KIRREL3: variants seen among roughly 807,000 people sequenced by gnomAD.
KIRREL3 encodes kin of IRRE-like protein 3.
In KIRREL3, 36 loss-of-function variants were observed where a neutral mutation model predicts 89.7. The ratio of observed to expected loss-of-function variants is 0.40; its 90% CI spans 0.31 to 0.53. The LOEUF (loss-of-function observed/expected upper bound fraction) is 0.53, where lower values mean the gene tolerates loss of function less well. KIRREL3 is among the 20% of genes least tolerant of loss of function. KIRREL3 has a pLI of 0.49. For synonymous variants in KIRREL3, 445 were observed against 441.4 expected, an observed-to-expected ratio of 1.01 and a Z score of -0.10; for missense variants, 864 against 1,056.6, an observed-to-expected ratio of 0.82 and a Z score of 2.53.
chr11:126,994,982 A>T lies in KIRREL3; in HGVS notation c.55+5473T>A. 2.9e-6 allele frequency: 1 copy of T among 345,090 alleles called. No individual in the cohort carries two copies. Among genetic ancestry groups the T allele is most frequent in the Non-Finnish European group, 5.7e-6 (1 of 175,094 alleles). The allele number at this position is 345,090 out of a possible 1,614,324, so 21.4% of individuals were successfully genotyped here. A position where few individuals can be genotyped will look rare whatever the true frequency, so the allele number is the denominator to read the frequency against. On this transcript the variant is annotated intron_variant, in intron 1 of 16. Coordinates refer to ENST00000525144, the MANE Select transcript of KIRREL3 (RefSeq NM_032531.4). This position sits in a 1 kb window ranked among gnomAD's most constrained non-coding sequence, Gnocchi z 5.2. ...CTTTCTCTTGGGAAAAGAAAATGAC[A>T]TGCAATGACGTATGGAACAGTACTG...
In KIRREL3 at chr11:126,433,089, G is replaced by C. The variant is rs146638810; in HGVS notation, c.1589-1563C>G. Among the ~76,000 whole-genome samples the C allele has an allele frequency of 9.6e-3, 1,461 of 152,312 alleles. 30 individuals are homozygous for C. The highest frequency in any genetic ancestry group is 0.032 in the African/African-American group (1,315 of 41,556). ...AGATAGGGTTTCACCATGTTGGCCA[G>C]GCTGGTCTCAAACTCCTGACCTCAG... is the stretch of plus-strand genomic sequence containing the variant. On this transcript the variant is annotated intron_variant, in intron 13 of 16. Coordinates refer to ENST00000525144, the MANE Select transcript of KIRREL3 (RefSeq NM_032531.4).
rs567891393 is a variant in KIRREL3 at position 126,508,437 on chromosome 11, T to C, written c.433+12878A>G. The stretch of plus-strand genomic sequence containing the variant: ...AAATGAATGCTGCGGGTCTCGGGGC[T>C]CCCCAGGTCCATCTGAGGAGGAGGG... On this transcript the variant is annotated intron_variant, in intron 4 of 16. Transcript: ENST00000525144. This position sits in a 1 kb window ranked among gnomAD's most constrained non-coding sequence, Gnocchi z 4.9. Among the ~76,000 whole-genome samples, 207 of 152,054 alleles carry C rather than the reference T, an allele frequency of 1.4e-3. 4 individuals are homozygous for C. The highest frequency in any genetic ancestry group is 1.6e-3 in the Admixed American group (25 of 15,276).
intron 1 of KIRREL3, among the ~76,000 whole-genome samples, chr11:126,691,506 A>G (rs1288828501): frequency 6.6e-6 from 1 of 152,254 alleles, no homozygotes; most frequent in Non-Finnish European, 1.5e-5. Flanking sequence ...TTTTAGCAGC[A>G]GAATTCAAGT....
intron 1 of KIRREL3, among the ~76,000 whole-genome samples, chr11:126,856,040 T>C (rs1446718933): frequency 6.6e-6 from 1 of 152,186 alleles, no homozygotes; most frequent in Non-Finnish European, 1.5e-5. Context: ...CCAAAGTTGG[T>C]TCCTGGGATG....
chr11:126,528,158 G>T lies in KIRREL3; in HGVS notation c.134-1471C>A, dbSNP rs11220532. On this transcript the variant is annotated intron_variant, in intron 2 of 16. Transcript: ENST00000525144. The surrounding 1 kb of genome is among the most constrained non-coding windows in gnomAD (Gnocchi z 4.6). Reference sequence around the variant, plus strand: ...AAGCCCTCCCTTTTTCCTACCTCCTGCTCTACAGACCCAGACCTAACCGAG... The same window carrying T: ...AAGCCCTCCCTTTTTCCTACCTCCTTCTCTACAGACCCAGACCTAACCGAG... Among the ~76,000 whole-genome samples, 32,013 of 152,124 alleles carry T rather than the reference G, an allele frequency of 0.21. 3,611 individuals carry two copies. Among genetic ancestry groups the T allele is most frequent in the African/African-American group, 0.26 (10,660 of 41,482 alleles).
Position 126,530,043 on chromosome 11 carries a change from C to T in KIRREL3, c.134-3356G>A, listed in dbSNP as rs1958895358. 6.6e-6 allele frequency among the ~76,000 whole-genome samples: 1 copy of T among 151,680 alleles called. No individual in the cohort carries two copies. The highest frequency in any genetic ancestry group is 2.4e-5 in the African/African-American group (1 of 41,224). ...AGCCCCTCAGAGCACAGCTTTTGAG[C>T]CATGGATGTAAGTTATTGCCAGAAG... On this transcript the variant is annotated intron_variant, in intron 2 of 16. Transcript: ENST00000525144. The surrounding 1 kb of genome is among the most constrained non-coding windows in gnomAD (Gnocchi z 5.8).
chr11:126,759,809 GA>G (rs1175545175), intron 1 of KIRREL3, among the ~76,000 whole-genome samples: 13 of 152,176 alleles, frequency 8.5e-5, no homozygotes, highest in African/African-American at 3.1e-4. Context: ...CTCTCAAAGT[GA>G]AGAATCACAG....
At chr11:126,630,106 T>A (rs982095521) in intron 1 of KIRREL3, among the ~76,000 whole-genome samples, 1 of 152,192 alleles carries the variant, frequency 6.6e-6, no homozygotes, top group Non-Finnish European at 1.5e-5. Context: ...TGCAATGTAG[T>A]CTGGTGGGTG....
Position 126,563,338 on chromosome 11 carries a change from A to G in KIRREL3, c.56-426T>C, listed in dbSNP as rs2134589803. On this transcript the variant is annotated intron_variant, in intron 1 of 16. Coordinates refer to ENST00000525144, the MANE Select transcript of KIRREL3 (RefSeq NM_032531.4). The surrounding 1 kb of genome is among the most constrained non-coding windows in gnomAD (Gnocchi z 6.8). The stretch of plus-strand genomic sequence containing the variant: ...GGGACTGTGGCCAGACCTGCCAGGG[A>G]TGATGCAGAATCTATCCAGTCGTGT... Among the ~76,000 whole-genome samples, 1 of 152,288 alleles carries G rather than the reference A, an allele frequency of 6.6e-6. No homozygotes were observed. Among genetic ancestry groups the G allele is most frequent in the East Asian group, 1.9e-4 (1 of 5,176 alleles).
At chr11:126,853,552 C>T (rs2134576267) in intron 1 of KIRREL3, among the ~76,000 whole-genome samples, 1 of 152,206 alleles carries the variant, frequency 6.6e-6, no homozygotes, top group Middle Eastern at 3.4e-3. Flanking sequence ...TTACTTATTA[C>T]TGAAACAATA....
intron 4 of KIRREL3, among the ~76,000 whole-genome samples, chr11:126,482,799 C>A (rs1957258309): frequency 6.6e-6 from 1 of 152,238 alleles, no homozygotes; most frequent in South Asian, 2.1e-4. Flanking sequence ...TGGGCCCCCC[C>A]ACATTCTGTG....
intron 1 of KIRREL3, among the ~76,000 whole-genome samples, chr11:126,869,788 T>G (rs1173081723): frequency 1.3e-5 from 2 of 152,190 alleles, no homozygotes; most frequent in Admixed American, 1.3e-4. Context: ...TCGCACAGAA[T>G]AAGTGTTCGC....
intron 4 of KIRREL3, among the ~76,000 whole-genome samples, chr11:126,493,292 CG>C (rs1957569932): frequency 6.6e-6 from 1 of 152,142 alleles, no homozygotes; most frequent in Admixed American, 6.5e-5. Context: ...GAGGCCGAGA[CG>C]GGTGGATCAC....
rs746424109 is a variant in KIRREL3, at chr11:126,652,292, T to A, written c.56-89380A>T. On this transcript the variant is annotated intron_variant, in intron 1 of 16. Transcript: ENST00000525144. This position sits in a 1 kb window ranked among gnomAD's most constrained non-coding sequence, Gnocchi z 4.9. ...ACTGGCCAAAAAGCCCGGGTTGGGG[T>A]CTCTGTGGGTTGATGGATATAAACC... is the stretch of plus-strand genomic sequence containing the variant. Among the ~76,000 whole-genome samples, 1 of 151,976 alleles carries A rather than the reference T, an allele frequency of 6.6e-6. No individual in the cohort carries two copies. Among genetic ancestry groups the A allele is most frequent in the African/African-American group, 2.4e-5 (1 of 41,366 alleles).
chr11:126,863,017 C>T lies in KIRREL3; in HGVS notation c.55+137438G>A, dbSNP rs570379847. ...TGAGTGACAAGGTGTTAATTCAAGGCTTAGGGAGTGTGATGGTTAGGGACT... is the reference window on the plus strand; with the variant it reads ...TGAGTGACAAGGTGTTAATTCAAGGTTTAGGGAGTGTGATGGTTAGGGACT... On this transcript the variant is annotated intron_variant, in intron 1 of 16. Coordinates refer to ENST00000525144, the MANE Select transcript of KIRREL3 (RefSeq NM_032531.4). 3.5e-4 allele frequency among the ~76,000 whole-genome samples: 53 copies of T among 152,294 alleles called. No individual in the cohort carries two copies. In the Middle Eastern group the frequency reaches 0.017, roughly 49 times the overall value.
At chr11:126,760,220 C>T (rs1013787251) in intron 1 of KIRREL3, among the ~76,000 whole-genome samples, 4 of 152,178 alleles carry the variant, frequency 2.6e-5, no homozygotes, top group African/African-American at 4.8e-5. Flanking sequence ...GCAGGAATTT[C>T]GAGAGGCTGC....
At chr11:126,785,789 G>T (rs961415168) in intron 1 of KIRREL3, among the ~76,000 whole-genome samples, 1 of 144,530 alleles carries the variant, frequency 6.9e-6, no homozygotes, top group Non-Finnish European at 1.5e-5. Flanking sequence ...CAGGGGAATC[G>T]CTTGAACCCA....
In KIRREL3 at chr11:126,768,786, G is replaced by A. The variant is rs759240577; in HGVS notation, c.56-205874C>T. 3.3e-5 allele frequency among the ~76,000 whole-genome samples: 5 copies of A among 152,202 alleles called. No individual in the cohort carries two copies. The highest frequency in any genetic ancestry group is 5.9e-5 in the Non-Finnish European group (4 of 68,040). ...ATAGAAGGAAGGTCACTGTGGCTAA[G>A]CTTGATGGTCCTGGGGAAAGGAGGT... is the stretch of plus-strand genomic sequence containing the variant. On this transcript the variant is annotated intron_variant, in intron 1 of 16. Coordinates refer to ENST00000525144, the MANE Select transcript of KIRREL3 (RefSeq NM_032531.4). This position sits in a 1 kb window ranked among gnomAD's most constrained non-coding sequence, Gnocchi z 4.5.
In KIRREL3 at chr11:126,425,650, A is replaced by C; in HGVS notation, c.1881T>G (p.Phe627Leu). 1 of 1,587,930 alleles carries C rather than the reference A, an allele frequency of 6.3e-7. No individual in the cohort carries two copies. The highest frequency in any genetic ancestry group is 8.6e-7 in the Non-Finnish European group (1 of 1,165,858). ...GGGCCCTTCTTACCTTCAGGTTCTG[A>C]AACTCTTTCTCCTCTTCTTTGAGGA... The part of the protein sequence containing the change: ...LEVLKEEEKE[F>L]QNLKDPTNGY... Residue 627 changes from phenylalanine to leucine, a missense_variant, in exon 16 of 17, where the codon TTT becomes TTG. By Grantham distance (22) the Phe-to-Leu change is conservative (BLOSUM62 0). Coordinates refer to ENST00000525144, the MANE Select transcript of KIRREL3 (RefSeq NM_032531.4).
Sources: gnomAD v4.1 joint callset for allele counts (sites outside exome capture counted in the v4.1 genomes callset) on GRCh38, gnomAD v4.1.1 for gene constraint, Gnocchi (gnomAD v3.1) non-coding constraint, MANE v1.5 for transcripts, NCBI Gene and HGNC (gene_info 2026-07-23, HGNC 2026-07-21) for gene names.